The following ALKBH1 variants were observed in gnomAD, a reference collection of about 807,000 sequenced individuals.
ALKBH1 encodes the protein alkB homolog 1, histone H2A dioxygenase.
Under a neutral mutation model 36.6 loss-of-function variants are expected in ALKBH1, and 31 were observed. The observed-to-expected ratio is 0.85, with a 90% CI of 0.64 to 1.14. The LOEUF is 1.14. Among genes scored for constraint, ALKBH1 ranks in the 50% most tolerant of loss-of-function variants. The probability of loss-of-function intolerance (pLI) is 0.00; values close to 1 mark genes in which losing one functional copy is unlikely to be tolerated. For missense variants in ALKBH1, 490 were observed against 497.3 expected, an observed-to-expected ratio of 0.99 and a Z score of 0.14; for synonymous variants, 183 against 186.6, an observed-to-expected ratio of 0.98 and a Z score of 0.16.
intron 2 of ALKBH1, among the ~76,000 whole-genome samples, chr14:77,695,205 AG>A (rs1449710030): frequency 2.0e-5 from 3 of 152,210 alleles, no homozygotes; most frequent in African/African-American, 7.2e-5. Flanking sequence ...CTTGACACTT[AG>A]AGTCATCCGA....
At chr14:77,678,878 C>T (rs1200743461) in intron 4 of ALKBH1, among the ~76,000 whole-genome samples, 2 of 152,006 alleles carry the variant, frequency 1.3e-5, no homozygotes, top group South Asian at 2.1e-4. Flanking sequence ...TGCAGTGGTG[C>T]GATCTTGGCT....
chr14:77,675,969 A>C, intron 4 of ALKBH1, 120 bp from the exon 5 acceptor site: 3 of 814,424 alleles, frequency 3.7e-6, no homozygotes, highest in Non-Finnish European at 5.7e-6. Flanking sequence ...ACATATTAAC[A>C]CAGCATTATC....
At chr14:77,683,491 C>G (rs2080250163) in intron 3 of ALKBH1, 2 of 702,808 alleles carry the variant, frequency 2.8e-6, no homozygotes, top group African/African-American at 1.8e-5. Context: ...ACTGTAGACT[C>G]TTCCAGTTTT....
At chr14:77,683,135 C>G (rs2080247430) in intron 3 of ALKBH1, 1 of 544,102 alleles carries the variant, frequency 1.8e-6, no homozygotes, top group African/African-American at 2.0e-5. Context: ...AGGCATCACA[C>G]CAAGCTGTAA....
intron 2 of ALKBH1, chr14:77,696,497 G>A (rs940208841): frequency 1.3e-5 from 2 of 152,854 alleles, no homozygotes; most frequent in Non-Finnish European, 2.9e-5. Flanking sequence ...GTCCTACCTG[G>A]GGCCTGCCTG....
intron 3 of ALKBH1, among the ~76,000 whole-genome samples, chr14:77,688,955 G>GA (rs2080283651): frequency 6.6e-6 from 1 of 152,110 alleles, no homozygotes; most frequent in South Asian, 2.1e-4. Flanking sequence ...TTTCTGAAGT[G>GA]AAAAATCTGT....
chr14:77,691,363 T>A (rs780233954), intron 3 of ALKBH1, among the ~76,000 whole-genome samples: 2 of 152,184 alleles, frequency 1.3e-5, no homozygotes, highest in African/African-American at 2.4e-5. Context: ...GTTCTCAATG[T>A]CAGAGGATGT....
chr14:77,701,001 G>A (rs72685280), intron 2 of ALKBH1, among the ~76,000 whole-genome samples: 25,364 of 152,110 alleles, frequency 0.17, 2,431 homozygotes, highest in Non-Finnish European at 0.22. Flanking sequence ...AGGCTGAGGT[G>A]GGAGGAACCT....
chr14:77,673,692 T>C lies in ALKBH1; in HGVS notation c.*120A>G, dbSNP rs779053953. ...TCCAAGGCAACAGTGTGATCAACAA[T>C]GAGTTCTTCCCTGTCTCTGTTTTTG... On this transcript the variant is annotated 3_prime_UTR_variant, in exon 6 of 6. Coordinates refer to ENST00000216489, the MANE Select transcript of ALKBH1 (RefSeq NM_006020.3). The C allele has an allele frequency of 6.7e-6, 7 of 1,049,616 alleles. No individual in the cohort carries two copies. The Admixed American group carries it at 1.2e-4, about 18-fold the overall frequency. 65.0% of individuals were successfully genotyped at this position (1,049,616 alleles called of 1,614,324 possible).
intron 3 of ALKBH1, among the ~76,000 whole-genome samples, chr14:77,694,188 C>A (rs2080314190): frequency 6.6e-6 from 1 of 152,092 alleles, no homozygotes; most frequent in Non-Finnish European, 1.5e-5. Flanking sequence ...AGGGAGGGTG[C>A]CTTTATCTTT....
At chr14:77,698,299 A>T (rs2080339118) in intron 2 of ALKBH1, among the ~76,000 whole-genome samples, 1 of 152,190 alleles carries the variant, frequency 6.6e-6, no homozygotes. Flanking sequence ...GAGGTTTAAG[A>T]AGGTGAGATG....
intron 1 of ALKBH1, among the ~76,000 whole-genome samples, chr14:77,707,251 C>T (rs559997948): frequency 1.1e-4 from 16 of 152,308 alleles, no homozygotes; most frequent in African/African-American, 3.9e-4. Context: ...GACTGTGTTC[C>T]CCTTCTTAAT....
At chr14:77,704,578 A>G (rs1374270223) in intron 1 of ALKBH1, 101 bp from the exon 2 acceptor site, 3 of 870,574 alleles carry the variant, frequency 3.4e-6, no homozygotes, top group Non-Finnish European at 5.7e-6. Flanking sequence ...AGGCAAAGCT[A>G]GGATTCTTGT....
intron 3 of ALKBH1, among the ~76,000 whole-genome samples, chr14:77,687,454 T>A (rs1429642938): frequency 1.3e-5 from 2 of 152,052 alleles, no homozygotes; most frequent in East Asian, 1.9e-4. Context: ...ATTTTCTTTG[T>A]CACTTATGCA....
At chr14:77,675,211 T>C (rs564860987) in intron 5 of ALKBH1, among the ~76,000 whole-genome samples, 12 of 151,994 alleles carry the variant, frequency 7.9e-5, no homozygotes, top group African/African-American at 9.6e-5. Flanking sequence ...AGTGGGCGGA[T>C]TGCCTGAGCT....
chr14:77,701,840 A>ACCCAC (rs2080361115), intron 2 of ALKBH1, among the ~76,000 whole-genome samples: 1 of 152,232 alleles, frequency 6.6e-6, no homozygotes, highest in South Asian at 2.1e-4. Flanking sequence ...ATAATGGGAC[A>ACCCAC]CCCACCCAAA....
rs1046830675 is a variant in ALKBH1, at chr14:77,704,609, C to T, written c.184-132G>A. On this transcript the variant is annotated intron_variant, in intron 1 of 5. Transcript: ENST00000216489. Reference sequence around the variant, plus strand: ...CTTGTTTAAGATACAGAACCTTGCTCTATTGCTCAGGCGAGTGCAGAGGCA... The same window carrying T: ...CTTGTTTAAGATACAGAACCTTGCTTTATTGCTCAGGCGAGTGCAGAGGCA... 37 of 691,800 alleles carry T rather than the reference C, an allele frequency of 5.3e-5. 1 individual carries two copies. The highest frequency in any genetic ancestry group is 1.1e-4 in the Admixed American group (5 of 45,166). 42.9% of individuals were successfully genotyped at this position (691,800 alleles called of 1,614,324 possible). A position where few individuals can be genotyped will look rare whatever the true frequency, so the allele number is the denominator to read the frequency against.
intron 4 of ALKBH1, among the ~76,000 whole-genome samples, chr14:77,678,222 C>A (rs1289950708): frequency 1.3e-5 from 2 of 151,296 alleles, no homozygotes; most frequent in Non-Finnish European, 3.0e-5. Flanking sequence ...GAGGTAGGCA[C>A]TATCATTACC....
intron 3 of ALKBH1, among the ~76,000 whole-genome samples, chr14:77,686,160 C>A (rs2080267289): frequency 6.6e-6 from 1 of 152,152 alleles, no homozygotes; most frequent in Admixed American, 6.6e-5. Context: ...TAATCATGGG[C>A]CTCCTGAGTA....
Sources: gnomAD v4.1 joint callset for allele counts (sites outside exome capture counted in the v4.1 genomes callset) on GRCh38, gnomAD v4.1.1 for gene constraint, MANE v1.5 for transcripts, NCBI Gene and HGNC (gene_info 2026-07-23, HGNC 2026-07-21) for gene names.